The following MRTFB variants were observed in gnomAD, a reference collection of about 807,000 sequenced individuals.
The protein encoded by MRTFB is myocardin-related transcription factor B.
A neutral mutation model predicts 104.2 loss-of-function variants in MRTFB; 29 were observed. The observed-to-expected ratio is 0.28, with a 90% CI of 0.21 to 0.38. The LOEUF (loss-of-function observed/expected upper bound fraction) is 0.38, where lower values mean the gene tolerates loss of function less well. Among genes scored for constraint, MRTFB ranks in the 10% least tolerant of loss-of-function variants. The pLI is 1.00. For synonymous variants in MRTFB, 535 were observed against 519.5 expected (o/e 1.03, Z -0.41); for missense variants, 1,270 against 1,341.6 (o/e 0.95, Z 0.83).
At chr16:14,050,646 T>C in the MRTFB span, among the ~76,000 whole-genome samples, 1 of 152,174 alleles carries the variant, frequency 6.6e-6, no homozygotes, top group Non-Finnish European at 1.5e-5. Context: ...TTTCTCACTG[T>C]GATTCAGTGT....
chr16:14,003,220 C>T, the MRTFB span, among the ~76,000 whole-genome samples: 1 of 152,278 alleles, frequency 6.6e-6, no homozygotes, highest in Middle Eastern at 3.4e-3. Flanking sequence ...CTCCGAGAGC[C>T]GCCACAACAA....
At position 14,246,586 on chromosome 16, in the gene MRTFB, T is replaced by C. The variant is rs2043024885; in HGVS notation, c.1326T>C (p.Ala442=). The change falls in exon 12 of 17, where the codon GCT becomes GCC. Residue 442 remains alanine (A), a synonymous_variant. Coordinates refer to ENST00000571589, the MANE Select transcript of MRTFB (RefSeq NM_001308142.2). ...PYQEVNSSGL[A]AGGIVAVSSS... is the part of the protein sequence containing the mutation. ...AGGAAGTGAACAGCAGCGGCCTTGCTGCTGGGGGCATCGTGGCAGTGTCAT... is the reference window on the plus strand; with the variant it reads ...AGGAAGTGAACAGCAGCGGCCTTGCCGCTGGGGGCATCGTGGCAGTGTCAT... 6.2e-7 allele frequency: 1 copy of C among 1,614,208 alleles called. No homozygotes were observed. Among genetic ancestry groups the C allele is most frequent in the Non-Finnish European group, 8.5e-7 (1 of 1,180,034 alleles).
intron 10 of MRTFB, chr16:14,241,612 AG>A (rs1449693972): frequency 1.3e-5 from 2 of 152,192 alleles, no homozygotes; most frequent in African/African-American, 4.8e-5. Context: ...TACGACCTGT[AG>A]AAACTTCTGC....
At chr16:14,045,958 G>A in the MRTFB span, among the ~76,000 whole-genome samples, 30 of 152,186 alleles carry the variant, frequency 2.0e-4, no homozygotes, top group African/African-American at 7.2e-4. Context: ...GTAAAGAATA[G>A]ATACCGGAAA....
intron 2 of MRTFB, among the ~76,000 whole-genome samples, chr16:14,097,087 G>T (rs927774504): frequency 6.6e-6 from 1 of 152,146 alleles, no homozygotes; most frequent in Non-Finnish European, 1.5e-5. Context: ...TTCTTTAGTT[G>T]TGTTATTTAA....
At chr16:13,997,106 C>G in the MRTFB span, among the ~76,000 whole-genome samples, 1 of 152,198 alleles carries the variant, frequency 6.6e-6, no homozygotes, top group Non-Finnish European at 1.5e-5. Flanking sequence ...CATTTTCAGA[C>G]GTTTGCCTGT....
At chr16:14,012,329 C>T in the MRTFB span, among the ~76,000 whole-genome samples, 2 of 120,824 alleles carry the variant, frequency 1.7e-5, no homozygotes, top group African/African-American at 7.3e-5. Context: ...GACAGAGTCT[C>T]GCTCTGTCAC....
the MRTFB span, among the ~76,000 whole-genome samples, chr16:14,015,515 G>A: frequency 6.6e-6 from 1 of 152,048 alleles, no homozygotes; most frequent in South Asian, 2.1e-4. Flanking sequence ...TCAACACACC[G>A]GCAGGAAATA....
the MRTFB span, among the ~76,000 whole-genome samples, chr16:14,023,624 T>C: frequency 3.4e-5 from 2 of 58,960 alleles, no homozygotes; most frequent in African/African-American, 1.1e-4. Flanking sequence ...CATATACATA[T>C]ACATATACAT....
chr16:14,200,786 G>T (rs1434442180), intron 3 of MRTFB: 3 of 1,467,234 alleles, frequency 2.0e-6, no homozygotes, highest in Non-Finnish European at 2.9e-6. Flanking sequence ...TGCCTTCAGT[G>T]CACGCTTCTC....
At chr16:14,196,635 G>C (rs939633795) in intron 3 of MRTFB, among the ~76,000 whole-genome samples, 3 of 152,188 alleles carry the variant, frequency 2.0e-5, no homozygotes, top group Non-Finnish European at 4.4e-5. Flanking sequence ...TCAGAAAATA[G>C]TCTTAATATC....
At chr16:13,999,296 T>C in the MRTFB span, among the ~76,000 whole-genome samples, 1 of 152,024 alleles carries the variant, frequency 6.6e-6, no homozygotes, top group Non-Finnish European at 1.5e-5. Flanking sequence ...TCGCTGCTTG[T>C]GGCTCAGCAT....
intron 2 of MRTFB, among the ~76,000 whole-genome samples, chr16:14,110,642 G>T (rs1489143450): frequency 6.6e-6 from 1 of 152,056 alleles, no homozygotes; most frequent in African/African-American, 2.4e-5. Flanking sequence ...TGGAATTTCG[G>T]CTTGAAACTC....
At chr16:14,171,245 T>G (rs1280983823) in intron 3 of MRTFB, among the ~76,000 whole-genome samples, 2 of 152,198 alleles carry the variant, frequency 1.3e-5, no homozygotes, top group East Asian at 3.8e-4. Flanking sequence ...GAACTACATG[T>G]GTTCATTGTT....
the MRTFB span, among the ~76,000 whole-genome samples, chr16:14,029,902 G>A: frequency 6.6e-6 from 1 of 152,156 alleles, no homozygotes; most frequent in East Asian, 1.9e-4. Flanking sequence ...CCCTGGAACT[G>A]GGCCCCAGCG....
intron 10 of MRTFB, among the ~76,000 whole-genome samples, chr16:14,242,787 A>G (rs964590476): frequency 2.0e-5 from 3 of 152,050 alleles, no homozygotes; most frequent in Non-Finnish European, 2.9e-5. Context: ...ATAGATTAAC[A>G]TGTTTCTGTT....
chr16:14,053,311 C>A, the MRTFB span, among the ~76,000 whole-genome samples: 2 of 152,126 alleles, frequency 1.3e-5, no homozygotes, highest in South Asian at 4.2e-4. Flanking sequence ...TTTACATTTT[C>A]TTTATCCATT....
chr16:14,092,450 A>G (rs939783800), intron 2 of MRTFB, among the ~76,000 whole-genome samples: 12 of 152,092 alleles, frequency 7.9e-5, no homozygotes, highest in African/African-American at 2.9e-4. Flanking sequence ...GTTATTGGGG[A>G]AGGGACCTTT....
rs1396970636 is a variant in MRTFB at position 14,247,143 on chromosome 16, A to G, written c.1883A>G (p.Asp628Gly). ...GCCCCAGGTCATTCTGTCAAGTCAG[A>G]TCAGAAGCACGGCAGCCTTGGCTCC... ...PSAPGHSVKS[D>G]QKHGSLGSSI... The change falls in exon 12 of 17, where the codon GAT (aspartate) becomes GGT (glycine). Residue 628 changes from aspartate (D) to glycine (G), a missense_variant. Asp to Gly is a moderately conservative substitution (Grantham distance 94). Coordinates refer to ENST00000571589, the MANE Select transcript of MRTFB (RefSeq NM_001308142.2). 6.2e-7 allele frequency: 1 copy of G among 1,614,050 alleles called. No homozygotes were observed. The highest frequency in any genetic ancestry group is 2.2e-5 in the East Asian group (1 of 44,890).
Sources: allele counts gnomAD v4.1 joint callset (sites outside exome capture counted in the v4.1 genomes callset), GRCh38; gene constraint gnomAD v4.1.1; transcripts MANE v1.5; gene names NCBI Gene and HGNC (gene_info 2026-07-23, HGNC 2026-07-21).